Variants in NADSYN1 observed in about 807,000 individuals in gnomAD.
NADSYN1 encodes the protein glutamine-dependent NAD(+) synthetase.
In NADSYN1, 80 loss-of-function variants were observed where a neutral mutation model predicts 99.3. The observed-to-expected ratio is 0.81, with a 90% CI of 0.67 to 0.97. The LOEUF is 0.97. Among genes scored for constraint, NADSYN1 ranks in the 50% least tolerant of loss-of-function variants. The pLI, the probability that NADSYN1 is intolerant of heterozygous loss-of-function variation, is 0.00. For missense variants in NADSYN1, 859 were observed against 948.5 expected (o/e 0.91, Z 1.24); for synonymous variants, 385 against 372.1 (o/e 1.03, Z -0.40).
At chr11:71,467,640 AAGAT>A (rs1949601181) in intron 5 of NADSYN1, among the ~76,000 whole-genome samples, 1 of 152,222 alleles carries the variant, frequency 6.6e-6, no homozygotes, top group Non-Finnish European at 1.5e-5. Flanking sequence ...ATGGAACTGA[AAGAT>A]AGACCTCTCC....
chr11:71,485,128 C>T lies in NADSYN1; in HGVS notation c.1456-414C>T, dbSNP rs143728664. On this transcript the variant is annotated intron_variant, in intron 15 of 20. Transcript: ENST00000319023. ...GTGATGGGCAGAGGAAAAGAGAGGC[C>T]GGGGGCTCCAGCTGCTGGGATCTGT... The T allele has an allele frequency of 3.3e-3, 567 of 172,204 alleles. 1 individual carries two copies. Among genetic ancestry groups the T allele is most frequent in the African/African-American group, 0.013 (538 of 42,008 alleles). The allele number at this position is 172,204 out of a possible 1,614,324, so 10.7% of individuals were successfully genotyped here.
intron 20 of NADSYN1, among the ~76,000 whole-genome samples, chr11:71,500,885 G>C (rs886748777): frequency 6.6e-6 from 1 of 152,170 alleles, no homozygotes; most frequent in East Asian, 1.9e-4. Context: ...GCCAAGCCTC[G>C]GGTGATGGGC....
chr11:71,490,503 C>G (rs1949771283), intron 16 of NADSYN1, among the ~76,000 whole-genome samples: 1 of 152,182 alleles, frequency 6.6e-6, no homozygotes, highest in South Asian at 2.1e-4. Flanking sequence ...CCGCGGCCGC[C>G]CGGGCAGCAG....
chr11:71,471,397 T>G (rs1466042139), intron 5 of NADSYN1, among the ~76,000 whole-genome samples: 1 of 152,210 alleles, frequency 6.6e-6, no homozygotes, highest in Non-Finnish European at 1.5e-5. Context: ...AGGTTCCAGG[T>G]CCTCTTAGGA....
chr11:71,474,313 G>A lies in NADSYN1; in HGVS notation c.667-82G>A, dbSNP rs2276355. On this transcript the variant is annotated intron_variant, in intron 8 of 20. Transcript: ENST00000319023. ...TCAGGATGACCTAGCGGGACTCGGC[G>A]GAGGTTCCTGTACTTGGGCAGGTGG... is the stretch of plus-strand genomic sequence containing the variant. 3,588 of 1,578,574 alleles carry A rather than the reference G, an allele frequency of 2.3e-3. 112 individuals carry two copies. The East Asian group carries it at 0.065, about 28-fold the overall frequency.
At chr11:71,476,822 C>T in intron 9 of NADSYN1, 1 of 985,848 alleles carries the variant, frequency 1.0e-6, no homozygotes, top group East Asian at 1.1e-4. Context: ...GGCCCCACAT[C>T]AAGCCACCAA....
chr11:71,485,071 C>T (rs78171773), intron 15 of NADSYN1: 271 of 169,918 alleles, frequency 1.6e-3, no homozygotes, highest in African/African-American at 6.1e-3. Flanking sequence ...CGCTGTCTGC[C>T]TCCTGAGCTA....
chr11:71,489,811 G>C (rs538940459), intron 16 of NADSYN1, among the ~76,000 whole-genome samples: 9 of 152,300 alleles, frequency 5.9e-5, no homozygotes, highest in African/African-American at 2.2e-4. Context: ...AATGCATCTG[G>C]TGGGATAGGC....
At chr11:71,485,116 G>GA (rs1428441970) in intron 15 of NADSYN1, 1 of 172,488 alleles carries the variant, frequency 5.8e-6, no homozygotes, top group East Asian at 1.6e-4. Flanking sequence ...ATGGGCAGAG[G>GA]AAAAGAGAGG....
chr11:71,487,846 AAAAAG>A (rs1285880827), intron 16 of NADSYN1, among the ~76,000 whole-genome samples: 2 of 148,718 alleles, frequency 1.3e-5, no homozygotes, highest in African/African-American at 5.0e-5. Flanking sequence ...AAAAAAAAAA[AAAAAG>A]AAAAGAAAAG....
At position 71,477,378 on chromosome 11, in the gene NADSYN1, A is replaced by G. The variant is rs1004882413; in HGVS notation, c.799-1017A>G. The stretch of plus-strand genomic sequence containing the variant: ...CCAGGGTGCTGTCACTTTGGGAAGC[A>G]GCCAGAGAACCACAGGATGCGTGAA... On this transcript the variant is annotated intron_variant, in intron 9 of 20. Coordinates refer to ENST00000319023, the MANE Select transcript of NADSYN1 (RefSeq NM_018161.5). 1.1e-5 allele frequency: 14 copies of G among 1,289,692 alleles called. No homozygotes were observed. The African/African-American group carries it at 1.8e-4, about 17-fold the overall frequency. The allele number at this position is 1,289,692 out of a possible 1,614,324, so 79.9% of individuals were successfully genotyped here.
At chr11:71,462,812 G>A (rs1015602573) in intron 3 of NADSYN1, among the ~76,000 whole-genome samples, 1 of 152,140 alleles carries the variant, frequency 6.6e-6, no homozygotes, top group Admixed American at 6.5e-5. Flanking sequence ...CCCTATGAGG[G>A]TCATCTTCCC....
At chr11:71,473,441 G>T (rs927264425) in intron 7 of NADSYN1, 75 bp downstream of exon 7, 17 of 1,562,474 alleles carry the variant, frequency 1.1e-5, no homozygotes, top group Non-Finnish European at 1.5e-5. Context: ...GACTGCAGAC[G>T]TCCTGGGGCC....
At position 71,455,134 on chromosome 11, in the gene NADSYN1, G is replaced by A. The variant is rs747867336; in HGVS notation, c.110G>A (p.Gly37Glu). Residue 37 changes from glycine to glutamate, a missense_variant, in exon 2 of 21, where the codon GGA becomes GAA. Physicochemically the swap from Gly to Glu is moderately conservative, Grantham distance 98 (BLOSUM62 -2). Coordinates refer to ENST00000319023, the MANE Select transcript of NADSYN1 (RefSeq NM_018161.5). ...GGTATTGAAATTGCCAAAAACAGAG[G>A]AGCAAGATACAGGCTTGGACCAGAG... ...LKSIEIAKNR[G>E]ARYRLGPELE... 1 of 1,614,072 alleles carries A rather than the reference G, an allele frequency of 6.2e-7. No individual in the cohort carries two copies. The highest frequency in any genetic ancestry group is 8.5e-7 in the Non-Finnish European group (1 of 1,179,984).
intron 10 of NADSYN1, chr11:71,480,020 C>A (rs1591130407): frequency 6.6e-6 from 1 of 152,262 alleles, no homozygotes; most frequent in Non-Finnish European, 1.5e-5. Flanking sequence ...TTTCCACTTT[C>A]TGTCTATCAT....
intron 16 of NADSYN1, among the ~76,000 whole-genome samples, chr11:71,487,467 AG>A (rs1413485274): frequency 6.6e-6 from 1 of 152,224 alleles, no homozygotes; most frequent in Non-Finnish European, 1.5e-5. Flanking sequence ...ATGTTAACAA[AG>A]AAACAAGTAT....
intron 2 of NADSYN1, among the ~76,000 whole-genome samples, chr11:71,456,873 C>T (rs967455385): frequency 5.9e-5 from 9 of 152,244 alleles, no homozygotes; most frequent in African/African-American, 9.6e-5. Context: ...TCACTGAGCA[C>T]ACCGCCTCTT....
chr11:71,478,471 T>A lies in NADSYN1; in HGVS notation c.873+2T>A. On this transcript the variant is annotated splice_donor_variant, in intron 10 of 20. Coordinates refer to ENST00000319023, the MANE Select transcript of NADSYN1 (RefSeq NM_018161.5). LOFTEE classifies it high-confidence loss of function. Reference sequence around the variant, plus strand: ...GAGATTTCATCTCGAAACCTGGCGGTGAGTGCTCCAGTAGACACCTGTGTG... The same window carrying A: ...GAGATTTCATCTCGAAACCTGGCGGAGAGTGCTCCAGTAGACACCTGTGTG... The A allele has an allele frequency of 6.3e-7, 1 of 1,599,758 alleles. No homozygotes were observed. Among genetic ancestry groups the A allele is most frequent in the Non-Finnish European group, 8.5e-7 (1 of 1,172,870 alleles).
chr11:71,471,565 A>C (rs181447170), intron 5 of NADSYN1, among the ~76,000 whole-genome samples: 1 of 152,262 alleles, frequency 6.6e-6, no homozygotes, highest in Admixed American at 6.5e-5. Context: ...AGTCGAGGGA[A>C]AGGTGCAGAT....
Sources: allele counts gnomAD v4.1 joint callset (sites outside exome capture counted in the v4.1 genomes callset), GRCh38; gene constraint gnomAD v4.1.1; transcripts MANE v1.5; gene names NCBI Gene and HGNC (gene_info 2026-07-23, HGNC 2026-07-21).